The following BTBD9 variants were observed in gnomAD, a reference collection of about 807,000 sequenced individuals.
BTBD9 encodes BTB/POZ domain-containing protein 9.
Under a neutral mutation model 64.3 loss-of-function variants are expected in BTBD9, and 49 were observed. The observed-to-expected ratio is 0.76, with a 90% confidence interval of 0.61 to 0.97. The LOEUF (loss-of-function observed/expected upper bound fraction) is 0.97, where lower values mean the gene tolerates loss of function less well. Ranked by LOEUF, BTBD9 falls within the 50% of genes least tolerant of loss-of-function variation. BTBD9 has a pLI of 0.00. For synonymous variants in BTBD9, 260 were observed against 274.7 expected (o/e 0.95, Z 0.53); for missense variants, 598 against 762.1 (o/e 0.78, Z 2.53).
intron 6 of BTBD9, among the ~76,000 whole-genome samples, chr6:38,500,653 T>C (rs1772155422): frequency 6.6e-6 from 1 of 152,176 alleles, no homozygotes; most frequent in Non-Finnish European, 1.5e-5. Context: ...CAAATGCCTA[T>C]CCATTGCTCT....
intron 6 of BTBD9, among the ~76,000 whole-genome samples, chr6:38,367,083 G>C (rs1350471637): frequency 1.3e-5 from 2 of 152,176 alleles, no homozygotes; most frequent in Admixed American, 6.5e-5. Flanking sequence ...GAACACTTTA[G>C]AACAAGAACT....
chr6:38,389,939 TTCTC>T (rs1354155770), intron 6 of BTBD9, among the ~76,000 whole-genome samples: 6 of 152,212 alleles, frequency 3.9e-5, no homozygotes, highest in Non-Finnish European at 5.9e-5. Context: ...ATTTCTTCCT[TTCTC>T]TCTCCGTAGA....
chr6:38,599,017 C>A (rs1450436767), intron 1 of BTBD9, among the ~76,000 whole-genome samples: 1 of 152,132 alleles, frequency 6.6e-6, no homozygotes, highest in Non-Finnish European at 1.5e-5. Flanking sequence ...CCACATCCAA[C>A]AAAAGAGTAA....
At chr6:38,543,021 C>G (rs893234605) in intron 6 of BTBD9, among the ~76,000 whole-genome samples, 6 of 152,330 alleles carry the variant, frequency 3.9e-5, no homozygotes, top group South Asian at 4.1e-4. Context: ...AATCTAAACT[C>G]TTACCTAAAA....
intron 7 of BTBD9, among the ~76,000 whole-genome samples, chr6:38,314,927 G>A (rs1244235039): frequency 6.6e-6 from 1 of 152,132 alleles, no homozygotes; most frequent in Non-Finnish European, 1.5e-5. Flanking sequence ...TCGGCTCACT[G>A]CAAGCTCCAC....
chr6:38,281,156 T>G (rs1199008260), intron 8 of BTBD9, among the ~76,000 whole-genome samples: 1 of 152,170 alleles, frequency 6.6e-6, no homozygotes, highest in Non-Finnish European at 1.5e-5. Context: ...AGGAAAAAAA[T>G]GGCATTTTTT....
chr6:38,232,510 T>C (rs867962556), intron 9 of BTBD9, among the ~76,000 whole-genome samples: 52 of 152,288 alleles, frequency 3.4e-4, no homozygotes, highest in South Asian at 1.7e-3. Flanking sequence ...GACCTCGTGA[T>C]CTGCCTGCCT....
At chr6:38,386,265 A>G (rs1766164474) in intron 6 of BTBD9, among the ~76,000 whole-genome samples, 1 of 152,216 alleles carries the variant, frequency 6.6e-6, no homozygotes, top group Non-Finnish European at 1.5e-5. Flanking sequence ...TTAAGGTAGG[A>G]TATCAATTTT....
chr6:38,407,437 T>A (rs1440259196), intron 6 of BTBD9, among the ~76,000 whole-genome samples: 1 of 152,064 alleles, frequency 6.6e-6, no homozygotes. Flanking sequence ...CAATTACTTA[T>A]CCAGTATGCC....
intron 6 of BTBD9, among the ~76,000 whole-genome samples, chr6:38,438,679 G>A (rs78545177): frequency 9.8e-4 from 150 of 152,312 alleles, no homozygotes; most frequent in Non-Finnish European, 1.7e-3. Context: ...TATTTATTGA[G>A]CATTTACTAT....
intron 6 of BTBD9, among the ~76,000 whole-genome samples, chr6:38,359,650 T>C (rs1450979734): frequency 6.6e-6 from 1 of 152,188 alleles, no homozygotes; most frequent in Non-Finnish European, 1.5e-5. Context: ...AGGCTCTCCC[T>C]TCCCTCTGGC....
In BTBD9 at chr6:38,171,864, AAAAAAAAAAAAAAAAAAATAATAAT is replaced by A. The variant is rs1374483126; in HGVS notation, c.*3096_*3120del. The stretch of plus-strand genomic sequence containing the variant: ...CTACTCTCAAAAAAAAAAAAAAAAA[AAAAAAAAAAAAAAAAAAATAATAAT>A]AATAATAATAATAATAATAATGAAA... On this transcript the variant is annotated 3_prime_UTR_variant, in exon 11 of 11. Coordinates refer to ENST00000481247, the MANE Select transcript of BTBD9 (RefSeq NM_001099272.2). The A allele has an allele frequency of 2.0e-5, 2 of 98,662 alleles. No individual in the cohort carries two copies. Among genetic ancestry groups the A allele is most frequent in the South Asian group, 2.8e-4 (1 of 3,564 alleles). 6.1% of individuals were successfully genotyped at this position (98,662 alleles called of 1,614,324 possible). A position where few individuals can be genotyped will look rare whatever the true frequency, so the allele number is the denominator to read the frequency against.
chr6:38,247,964 T>C (rs1234932970), intron 9 of BTBD9, among the ~76,000 whole-genome samples: 7 of 152,164 alleles, frequency 4.6e-5, no homozygotes, highest in Non-Finnish European at 1.0e-4. Context: ...AAAGTGTTTT[T>C]AGATTTTAAA....
At chr6:38,222,884 T>A (rs9462413) in intron 9 of BTBD9, among the ~76,000 whole-genome samples, 16,048 of 152,038 alleles carry the variant, frequency 0.11, 1,178 homozygotes, top group African/African-American at 0.2. Flanking sequence ...CGAACCTGAG[T>A]TTAGGGGAAG....
chr6:38,609,471 A>C (rs997287333), intron 1 of BTBD9, among the ~76,000 whole-genome samples: 5 of 152,238 alleles, frequency 3.3e-5, no homozygotes, highest in Admixed American at 2.0e-4. Context: ...CCAGACTTCC[A>C]CAAACCCCCA....
chr6:38,465,875 G>T (rs1770362754), intron 6 of BTBD9, among the ~76,000 whole-genome samples: 1 of 123,864 alleles, frequency 8.1e-6, no homozygotes, highest in South Asian at 2.6e-4. Flanking sequence ...CTGTTGTCCA[G>T]GCCAGAGTGC....
chr6:38,461,797 T>C (rs1770099105), intron 6 of BTBD9, among the ~76,000 whole-genome samples: 1 of 152,216 alleles, frequency 6.6e-6, no homozygotes, highest in African/African-American at 2.4e-5. Flanking sequence ...CAGCAGAGTG[T>C]TAGAGTTACA....
At chr6:38,514,003 C>T (rs1582557333) in intron 6 of BTBD9, among the ~76,000 whole-genome samples, 2 of 152,170 alleles carry the variant, frequency 1.3e-5, no homozygotes, top group East Asian at 3.9e-4. Context: ...TATGCTCTAG[C>T]TTTCAAACCA....
chr6:38,380,683 GT>G (rs1435657335), intron 6 of BTBD9, among the ~76,000 whole-genome samples: 1 of 152,032 alleles, frequency 6.6e-6, no homozygotes, highest in African/African-American at 2.4e-5. Context: ...AAAGGAAAGA[GT>G]TTTTTTAAAA....
Sources: allele counts gnomAD v4.1 joint callset (sites outside exome capture counted in the v4.1 genomes callset), GRCh38; gene constraint gnomAD v4.1.1; transcripts MANE v1.5; gene names NCBI Gene and HGNC (gene_info 2026-07-23, HGNC 2026-07-21).